MEGF11: variants seen among roughly 807,000 people sequenced by gnomAD.
MEGF11 encodes multiple epidermal growth factor-like domains protein 11.
A neutral mutation model predicts 146.6 loss-of-function variants in MEGF11; 126 were observed. The observed-to-expected ratio is 0.86, with a 90% CI of 0.74 to 1.00. MEGF11 has a LOEUF of 1.00. MEGF11 is among the 50% of genes least tolerant of loss of function. The probability of loss-of-function intolerance (pLI) is 0.00; values close to 1 mark genes in which losing one functional copy is unlikely to be tolerated. For synonymous variants in MEGF11, 532 were observed against 583.4 expected (o/e 0.91, Z 1.27); for missense variants, 1,509 against 1,521.2 (o/e 0.99, Z 0.13).
At chr15:65,914,058 C>T in intron 19 of MEGF11, 85 bp from the exon 20 acceptor site, 3 of 1,015,632 alleles carry the variant, frequency 3.0e-6, no homozygotes, top group Non-Finnish European at 4.5e-6. Flanking sequence ...GCGTGTAACC[C>T]CTCTAATGTT....
chr15:66,235,505 G>T (rs1266112791), intron 1 of MEGF11, among the ~76,000 whole-genome samples: 1 of 119,462 alleles, frequency 8.4e-6, no homozygotes, highest in African/African-American at 3.9e-5. Flanking sequence ...CTGTCTCAAA[G>T]AAAAAAAAAA....
intron 5 of MEGF11, among the ~76,000 whole-genome samples, chr15:66,077,186 C>G (rs564371302): frequency 6.6e-6 from 1 of 152,198 alleles, no homozygotes; most frequent in Non-Finnish European, 1.5e-5. Context: ...TGGGTGCCTC[C>G]GCTTCAACCA....
intron 1 of MEGF11, among the ~76,000 whole-genome samples, chr15:66,252,530 C>T (rs1688395440): frequency 6.6e-6 from 1 of 152,106 alleles, no homozygotes; most frequent in South Asian, 2.1e-4. Flanking sequence ...GATCCCGAGA[C>T]GCGGCTGCCG....
At chr15:65,923,882 G>A (rs374791539) in intron 13 of MEGF11, among the ~76,000 whole-genome samples, 1 of 152,166 alleles carries the variant, frequency 6.6e-6, no homozygotes, top group East Asian at 1.9e-4. Context: ...CAGCTCTGGG[G>A]TAGGTTTTCT....
chr15:66,233,038 G>A (rs2092001189), intron 1 of MEGF11, among the ~76,000 whole-genome samples: 1 of 152,144 alleles, frequency 6.6e-6, no homozygotes, highest in Admixed American at 6.5e-5. Context: ...CAAAAGGCAG[G>A]TGTGACCCTA....
In MEGF11 at chr15:65,982,449, C is replaced by G; in HGVS notation, c.434G>C (p.Arg145Pro). ...SDHWGPHCSN[R>P]CQCQNGALCN... The stretch of plus-strand genomic sequence containing the variant: ...CAGGGCGCCGTTCTGGCACTGGCAC[C>G]GGTTGCTGCAGTGGGGCCCCCAGTG... The change falls in exon 6 of 26, where the codon CGG becomes CCG. Residue 145 changes from arginine (R) to proline (P), a missense_variant. Physicochemically the swap from Arg to Pro is moderately radical, Grantham distance 103. Coordinates refer to ENST00000395614, the MANE Select transcript of MEGF11 (RefSeq NM_001385028.1). This position sits in a 1 kb window ranked among gnomAD's most constrained non-coding sequence, Gnocchi z 5.6. 1 of 1,492,466 alleles carries G rather than the reference C, an allele frequency of 6.7e-7. No individual in the cohort carries two copies. The highest frequency in any genetic ancestry group is 8.9e-7 in the Non-Finnish European group (1 of 1,119,306). 92.5% of individuals were successfully genotyped at this position (1,492,466 alleles called of 1,614,324 possible).
At chr15:66,006,791 G>A (rs756294951) in intron 5 of MEGF11, among the ~76,000 whole-genome samples, 5 of 152,210 alleles carry the variant, frequency 3.3e-5, no homozygotes, top group Non-Finnish European at 7.3e-5. Context: ...ATGGCTGGGA[G>A]ACAGCCAAGG....
At chr15:66,139,496 T>A (rs2089044958) in intron 1 of MEGF11, among the ~76,000 whole-genome samples, 1 of 151,546 alleles carries the variant, frequency 6.6e-6, no homozygotes, top group Non-Finnish European at 1.5e-5. Context: ...ATTAATGAAG[T>A]GAAACTGAAC....
intron 5 of MEGF11, among the ~76,000 whole-genome samples, chr15:66,073,624 C>A (rs889099026): frequency 9.2e-5 from 14 of 152,220 alleles, no homozygotes; most frequent in Admixed American, 8.5e-4. Context: ...CTCCAAGGAG[C>A]CTTTCCTGGT....
intron 5 of MEGF11, among the ~76,000 whole-genome samples, chr15:65,992,096 A>G (rs1273615253): frequency 1.3e-5 from 2 of 152,196 alleles, no homozygotes; most frequent in African/African-American, 4.8e-5. Context: ...GCAGGGCAGG[A>G]GGGGGAACAA....
intron 5 of MEGF11, among the ~76,000 whole-genome samples, chr15:66,032,115 C>A (rs1344106591): frequency 6.6e-6 from 1 of 152,190 alleles, no homozygotes; most frequent in Non-Finnish European, 1.5e-5. Flanking sequence ...CTGAAACCAT[C>A]CCCTTCATGG....
chr15:65,939,889 T>TA (rs2079924986), intron 10 of MEGF11, among the ~76,000 whole-genome samples: 1 of 152,168 alleles, frequency 6.6e-6, no homozygotes, highest in South Asian at 2.1e-4. Flanking sequence ...AATAATCATT[T>TA]AAAAAATTCA....
At chr15:66,238,899 G>A (rs755510441) in intron 1 of MEGF11, among the ~76,000 whole-genome samples, 19 of 149,106 alleles carry the variant, frequency 1.3e-4, no homozygotes, top group Admixed American at 3.4e-4. Context: ...CTTAGAGTCC[G>A]GCTTCCTCCA....
At chr15:66,030,409 C>T (rs903852912) in intron 5 of MEGF11, among the ~76,000 whole-genome samples, 3 of 152,112 alleles carry the variant, frequency 2.0e-5, no homozygotes. Context: ...ACACAGTCCT[C>T]AACCTTTTTA....
At chr15:65,966,849 A>G (rs573405346) in intron 8 of MEGF11, among the ~76,000 whole-genome samples, 9 of 151,922 alleles carry the variant, frequency 5.9e-5, no homozygotes, top group Non-Finnish European at 1.3e-4. Flanking sequence ...ATGTGCCTCA[A>G]CACCCCTTAC....
chr15:66,243,565 G>A (rs1257962583), intron 1 of MEGF11, among the ~76,000 whole-genome samples: 1 of 152,220 alleles, frequency 6.6e-6, no homozygotes, highest in Admixed American at 6.5e-5. Context: ...GTTGTGAGAT[G>A]CCAAATTGTT....
chr15:66,222,616 G>A (rs996650512), intron 1 of MEGF11, among the ~76,000 whole-genome samples: 1 of 152,206 alleles, frequency 6.6e-6, no homozygotes, highest in African/African-American at 2.4e-5. Flanking sequence ...CTGGTTTGTA[G>A]TAGGCTGGCT....
chr15:66,178,687 G>A (rs1279337684), intron 1 of MEGF11, among the ~76,000 whole-genome samples: 1 of 152,158 alleles, frequency 6.6e-6, no homozygotes, highest in Non-Finnish European at 1.5e-5. Flanking sequence ...CTCCTTAAAT[G>A]TTTCAGCCCC....
At chr15:65,978,471 A>C (rs1432455293) in intron 7 of MEGF11, among the ~76,000 whole-genome samples, 1 of 152,246 alleles carries the variant, frequency 6.6e-6, no homozygotes, top group Non-Finnish European at 1.5e-5. Flanking sequence ...GTTTCCTGTC[A>C]TCTGGAAAAA....
Sources: gnomAD v4.1 joint callset for allele counts (sites outside exome capture counted in the v4.1 genomes callset) on GRCh38, gnomAD v4.1.1 for gene constraint, Gnocchi (gnomAD v3.1) non-coding constraint, MANE v1.5 for transcripts, NCBI Gene and HGNC (gene_info 2026-07-23, HGNC 2026-07-21) for gene names.